KIAA1328: variants seen among roughly 807,000 people sequenced by gnomAD.
KIAA1328 encodes KIAA1328, also known as protein hinderin.
In KIAA1328, 52 loss-of-function variants were observed where a neutral mutation model predicts 68.1. That is an observed-to-expected ratio of 0.76 (90% CI 0.61 to 0.96). KIAA1328 has a LOEUF of 0.96. Ranked by LOEUF, KIAA1328 falls within the 40% of genes least tolerant of loss-of-function variation. The pLI is 0.00. For missense variants in KIAA1328, 641 were observed against 677.6 expected (o/e 0.95, Z 0.60); for synonymous variants, 232 against 239.4 (o/e 0.97, Z 0.28).
chr18:37,007,684 A>T (rs903330937), intron 6 of KIAA1328, among the ~76,000 whole-genome samples: 60 of 152,300 alleles, frequency 3.9e-4, no homozygotes, highest in African/African-American at 1.4e-3. Context: ...TAGCAATAAA[A>T]CCTTCTAACT....
intron 7 of KIAA1328, among the ~76,000 whole-genome samples, chr18:37,074,066 C>A (rs917957182): frequency 6.6e-6 from 1 of 152,200 alleles, no homozygotes; most frequent in African/African-American, 2.4e-5. Context: ...CCCACTGGAC[C>A]TTTGCTGGTG....
intron 9 of KIAA1328, among the ~76,000 whole-genome samples, chr18:37,181,712 G>A (rs1003125492): frequency 6.6e-6 from 1 of 152,204 alleles, no homozygotes; most frequent in Non-Finnish European, 1.5e-5. Flanking sequence ...CATTACAACA[G>A]CTTATATTTA....
At chr18:37,026,323 A>G (rs746432194) in intron 6 of KIAA1328, among the ~76,000 whole-genome samples, 10 of 152,214 alleles carry the variant, frequency 6.6e-5, no homozygotes, top group Non-Finnish European at 1.2e-4. Flanking sequence ...ATTCCTTCTG[A>G]AACTATTCCA....
intron 7 of KIAA1328, among the ~76,000 whole-genome samples, chr18:37,079,615 GT>G (rs1205391839): frequency 6.6e-6 from 1 of 152,072 alleles, no homozygotes; most frequent in Non-Finnish European, 1.5e-5. Flanking sequence ...CAGGCCAGGT[GT>G]GGTGGCTCAT....
chr18:36,850,803 A>G (rs2047187434), intron 4 of KIAA1328, among the ~76,000 whole-genome samples: 2 of 152,168 alleles, frequency 1.3e-5, no homozygotes, highest in African/African-American at 4.8e-5. Flanking sequence ...ACCAGCATTC[A>G]TTATTTCTCT....
intron 5 of KIAA1328, among the ~76,000 whole-genome samples, chr18:36,956,315 A>G (rs1486236977): frequency 1.3e-5 from 2 of 152,206 alleles, no homozygotes; most frequent in African/African-American, 4.8e-5. Context: ...TAGGCAGACT[A>G]CAGTGTCTAA....
At chr18:37,017,847 A>G (rs2054206374) in intron 6 of KIAA1328, among the ~76,000 whole-genome samples, 1 of 152,012 alleles carries the variant, frequency 6.6e-6, no homozygotes, top group South Asian at 2.1e-4. Context: ...TGATCCTATC[A>G]GTATCATTAT....
intron 4 of KIAA1328, among the ~76,000 whole-genome samples, chr18:36,871,126 G>T (rs193103326): frequency 1.3e-5 from 2 of 152,136 alleles, no homozygotes; most frequent in Non-Finnish European, 1.5e-5. Context: ...TCTGGCCCAC[G>T]TGAAGGGAAG....
intron 4 of KIAA1328, among the ~76,000 whole-genome samples, chr18:36,857,771 C>T (rs1309700127): frequency 6.6e-6 from 1 of 152,144 alleles, no homozygotes; most frequent in Admixed American, 6.5e-5. Flanking sequence ...TGTAATGATA[C>T]CCCTCCATGG....
chr18:37,040,919 T>C (rs2055219069), intron 6 of KIAA1328, among the ~76,000 whole-genome samples: 1 of 151,804 alleles, frequency 6.6e-6, no homozygotes, highest in African/African-American at 2.4e-5. Context: ...TTTTCTGTGA[T>C]TTCAATTCTT....
intron 5 of KIAA1328, among the ~76,000 whole-genome samples, chr18:36,915,455 A>T (rs2049653984): frequency 1.3e-5 from 2 of 152,240 alleles, no homozygotes; most frequent in South Asian, 4.1e-4. Context: ...GTATATTCAG[A>T]ATATCTAAAG....
intron 4 of KIAA1328, among the ~76,000 whole-genome samples, chr18:36,859,617 CTCTT>C (rs1036814370): frequency 3.4e-5 from 5 of 145,328 alleles, no homozygotes; most frequent in African/African-American, 2.5e-5. Context: ...CTCTGTTTCT[CTCTT>C]TCTTTCTTTT....
chr18:37,053,598 C>G (rs1333914839), intron 6 of KIAA1328, among the ~76,000 whole-genome samples: 1 of 151,930 alleles, frequency 6.6e-6, no homozygotes, highest in Non-Finnish European at 1.5e-5. Context: ...AAAGAAATAC[C>G]CAAGACTGGG....
At chr18:36,944,435 C>T (rs9955016) in intron 5 of KIAA1328, among the ~76,000 whole-genome samples, 1 of 151,854 alleles carries the variant, frequency 6.6e-6, no homozygotes, top group African/African-American at 2.4e-5. Flanking sequence ...AAATATTAGC[C>T]AGGCATGGTG....
intron 7 of KIAA1328, 78 bp from the exon 8 acceptor site, chr18:37,160,122 C>T: frequency 1.8e-6 from 2 of 1,111,388 alleles, no homozygotes; most frequent in Non-Finnish European, 1.3e-6. Context: ...GCATTTCAAC[C>T]CATACTGAAT....
intron 6 of KIAA1328, among the ~76,000 whole-genome samples, chr18:36,984,753 A>G (rs994687610): frequency 1.3e-5 from 2 of 151,946 alleles, no homozygotes; most frequent in African/African-American, 2.4e-5. Context: ...TAAAAATACA[A>G]AAATTAGCTG....
chr18:37,104,252 A>G (rs927668611), intron 7 of KIAA1328, among the ~76,000 whole-genome samples: 1 of 152,222 alleles, frequency 6.6e-6, no homozygotes, highest in African/African-American at 2.4e-5. Context: ...AATGACCAAG[A>G]TATGGAATCA....
intron 5 of KIAA1328, among the ~76,000 whole-genome samples, chr18:36,889,689 C>T (rs1234769269): frequency 6.6e-6 from 1 of 152,146 alleles, no homozygotes; most frequent in South Asian, 2.1e-4. Flanking sequence ...AGATTCTTTA[C>T]ATTATATGTG....
chr18:36,857,926 A>G (rs1177092851), intron 4 of KIAA1328, among the ~76,000 whole-genome samples: 1 of 152,166 alleles, frequency 6.6e-6, no homozygotes, highest in Non-Finnish European at 1.5e-5. Context: ...CTATGACTTA[A>G]TTTTGAAAAA....
Sources: allele counts gnomAD v4.1 joint callset (sites outside exome capture counted in the v4.1 genomes callset), GRCh38; gene constraint gnomAD v4.1.1; transcripts MANE v1.5; gene names NCBI Gene and HGNC (gene_info 2026-07-23, HGNC 2026-07-21).